The following MRAP2 variants were observed in gnomAD, a reference collection of about 807,000 sequenced individuals.
MRAP2 encodes melanocortin 2 receptor accessory protein 2, also known as melanocortin-2 receptor accessory protein 2.
A neutral mutation model predicts 17.4 loss-of-function variants in MRAP2; 20 were observed. The ratio of observed to expected loss-of-function variants is 1.15; its 90% CI spans 0.81 to 1.67. MRAP2 has a LOEUF of 1.67. MRAP2 is among the 40% of genes most tolerant of loss of function. The pLI, the probability that MRAP2 is intolerant of heterozygous loss-of-function variation, is 0.00. For synonymous variants in MRAP2, 96 were observed against 88.4 expected (o/e 1.09, Z -0.48); for missense variants, 238 against 240.0 (o/e 0.99, Z 0.05).
the MRAP2 span, among the ~76,000 whole-genome samples, chr6:84,099,728 C>A: frequency 6.6e-6 from 1 of 152,198 alleles, no homozygotes; most frequent in African/African-American, 2.4e-5. Flanking sequence ...TGGTGCCACA[C>A]TTGTGCAGCC....
Position 84,089,195 on chromosome 6 carries a change from A to C in MRAP2, c.332A>C (p.Glu111Ala). Residue 111 changes from glutamate to alanine, a missense_variant, in exon 4 of 4, where the codon GAG becomes GCG. Physicochemically the swap from Glu to Ala is moderately radical, Grantham distance 107 (BLOSUM62 -1). Coordinates refer to ENST00000257776, the MANE Select transcript of MRAP2 (RefSeq NM_138409.4). The stretch of plus-strand genomic sequence containing the variant: ...GTATTTTCTCGCCAAGGCAACGAGG[A>C]GTCCAGGTCTCTCTTTCACTGCTAC... Reference protein sequence around the residue: ...DKVFSRQGNEESRSLFHCYIN... With the variant: ...DKVFSRQGNEASRSLFHCYIN... 2 of 1,614,202 alleles carry C rather than the reference A, an allele frequency of 1.2e-6. No individual in the cohort carries two copies. Among genetic ancestry groups the C allele is most frequent in the Non-Finnish European group, 1.7e-6 (2 of 1,180,046 alleles).
At chr6:84,070,198 T>G (rs781482751) in intron 3 of MRAP2, among the ~76,000 whole-genome samples, 3 of 152,132 alleles carry the variant, frequency 2.0e-5, no homozygotes, top group Non-Finnish European at 4.4e-5. Flanking sequence ...TGTCAGTTTG[T>G]GCTCTTTCAG....
At chr6:84,083,721 A>G (rs2099499580) in intron 3 of MRAP2, among the ~76,000 whole-genome samples, 1 of 152,190 alleles carries the variant, frequency 6.6e-6, no homozygotes, top group Non-Finnish European at 1.5e-5. Context: ...GTTAGTTACT[A>G]TATTTTTGTT....
At chr6:84,144,464 A>C in the MRAP2 span, among the ~76,000 whole-genome samples, 1 of 152,122 alleles carries the variant, frequency 6.6e-6, no homozygotes, top group Non-Finnish European at 1.5e-5. Context: ...AACTATGGCT[A>C]GTTTAAAGTC....
intron 1 of MRAP2, chr6:84,045,250 C>T (rs909430366): frequency 1.9e-5 from 19 of 985,178 alleles, no homozygotes; most frequent in African/African-American, 1.2e-4. Flanking sequence ...TGCTGGACAT[C>T]GGGCAGCCAA....
chr6:84,137,087 G>A, the MRAP2 span, among the ~76,000 whole-genome samples: 4 of 152,182 alleles, frequency 2.6e-5, no homozygotes, highest in Non-Finnish European at 4.4e-5. Flanking sequence ...ACTAGCAAGG[G>A]AATAAGAGTC....
At chr6:84,055,745 A>G (rs757173324) in intron 2 of MRAP2, among the ~76,000 whole-genome samples, 2 of 152,224 alleles carry the variant, frequency 1.3e-5, no homozygotes, top group Admixed American at 6.5e-5. Flanking sequence ...TAGCTCCTCC[A>G]AACTGTGAAT....
chr6:84,106,223 T>C, the MRAP2 span, among the ~76,000 whole-genome samples: 4 of 152,200 alleles, frequency 2.6e-5, no homozygotes, highest in African/African-American at 9.7e-5. Context: ...GCTTGTGAAA[T>C]GATTTTCTTG....
rs2099485174 is a variant in MRAP2 at position 84,033,792 on chromosome 6, T to G, written c.-99T>G. The G allele has an allele frequency of 6.1e-6, 6 of 985,932 alleles. No homozygotes were observed. The highest frequency in any genetic ancestry group is 7.2e-6 in the Non-Finnish European group (6 of 830,768). The allele number at this position is 985,932 out of a possible 1,614,324, so 61.1% of individuals were successfully genotyped here. On this transcript the variant is annotated 5_prime_UTR_variant, in exon 1 of 4. Transcript: ENST00000257776. Reference sequence around the variant, plus strand: ...GAGCTACTCGCCCGGCCCTGGGCGGTGGGAGGCGGCGGCGGCGGCGGCGCT... The same window carrying G: ...GAGCTACTCGCCCGGCCCTGGGCGGGGGGAGGCGGCGGCGGCGGCGGCGCT...
intron 1 of MRAP2, among the ~76,000 whole-genome samples, chr6:84,039,949 A>G (rs1562869289): frequency 1.3e-5 from 2 of 152,140 alleles, no homozygotes; most frequent in African/African-American, 2.4e-5. Flanking sequence ...GGGGAAAAAA[A>G]GAAACGAGAG....
chr6:84,098,453 T>C, the MRAP2 span, among the ~76,000 whole-genome samples: 1 of 152,180 alleles, frequency 6.6e-6, no homozygotes, highest in African/African-American at 2.4e-5. Flanking sequence ...TAAGTCTTCA[T>C]GTGAACATGT....
chr6:84,129,390 A>T, the MRAP2 span, among the ~76,000 whole-genome samples: 1 of 152,164 alleles, frequency 6.6e-6, no homozygotes, highest in Non-Finnish European at 1.5e-5. Context: ...TCTAACTGGC[A>T]TGAGATGGTA....
chr6:84,088,770 G>A (rs757233539), intron 3 of MRAP2, among the ~76,000 whole-genome samples: 7 of 152,278 alleles, frequency 4.6e-5, no homozygotes, highest in Non-Finnish European at 8.8e-5. Context: ...GGCACTTCAA[G>A]TAATTATGAT....
chr6:84,060,447 A>G (rs2497116), intron 2 of MRAP2, among the ~76,000 whole-genome samples: 51,970 of 152,060 alleles, frequency 0.34, 10,939 homozygotes, highest in African/African-American at 0.61. Context: ...CACCTTCCTA[A>G]TACACAGATT....
chr6:84,056,000 A>G (rs138708453), intron 2 of MRAP2, among the ~76,000 whole-genome samples: 2 of 152,278 alleles, frequency 1.3e-5, no homozygotes, highest in Non-Finnish European at 2.9e-5. Flanking sequence ...GAGCAAGGAA[A>G]TGTAATTCTG....
At chr6:84,083,040 G>A (rs2099499406) in intron 3 of MRAP2, among the ~76,000 whole-genome samples, 1 of 151,874 alleles carries the variant, frequency 6.6e-6, no homozygotes, top group East Asian at 1.9e-4. Context: ...TTCAGATTGT[G>A]CGACCCGACC....
the MRAP2 span, among the ~76,000 whole-genome samples, chr6:84,140,722 G>A: frequency 2.0e-5 from 3 of 151,932 alleles, no homozygotes; most frequent in Admixed American, 6.6e-5. Context: ...ATGATGTCTC[G>A]TCATATTGCC....
At chr6:84,042,837 C>G (rs553602257) in intron 1 of MRAP2, among the ~76,000 whole-genome samples, 1 of 152,366 alleles carries the variant, frequency 6.6e-6, no homozygotes, top group African/African-American at 2.4e-5. Flanking sequence ...TTAGAACGTT[C>G]AGCTTTTCTA....
At chr6:84,073,198 A>G (rs183055004) in intron 3 of MRAP2, among the ~76,000 whole-genome samples, 9 of 152,140 alleles carry the variant, frequency 5.9e-5, no homozygotes, top group Admixed American at 5.9e-4. Flanking sequence ...CTGCCTATAT[A>G]TTCCTATGGT....
Sources: allele counts gnomAD v4.1 joint callset (sites outside exome capture counted in the v4.1 genomes callset), GRCh38; gene constraint gnomAD v4.1.1; transcripts MANE v1.5; gene names NCBI Gene and HGNC (gene_info 2026-07-23, HGNC 2026-07-21).